Variants in CCDC181 observed in about 807,000 individuals in gnomAD.
The protein encoded by CCDC181 is coiled-coil domain-containing protein 181.
In CCDC181, 35 loss-of-function variants were observed where a neutral mutation model predicts 58.7. The observed-to-expected ratio is 0.60, with a 90% CI of 0.46 to 0.79. The LOEUF (loss-of-function observed/expected upper bound fraction) is 0.79, where lower values mean the gene tolerates loss of function less well. Among genes scored for constraint, CCDC181 ranks in the 30% least tolerant of loss-of-function variants. CCDC181 has a pLI of 0.00. For missense variants in CCDC181, 517 were observed against 583.9 expected (o/e 0.89, Z 1.18); for synonymous variants, 183 against 197.5 (o/e 0.93, Z 0.62).
intron 2 of CCDC181, among the ~76,000 whole-genome samples, chr1:169,444,842 G>C (rs1251571362): frequency 6.6e-6 from 1 of 152,174 alleles, no homozygotes; most frequent in Admixed American, 6.5e-5. Flanking sequence ...GATGCAAAGA[G>C]AGACTATCTC....
chr1:169,427,995 A>T (rs908472128), upstream of CCDC181, among the ~76,000 whole-genome samples: 1 of 152,212 alleles, frequency 6.6e-6, no homozygotes, highest in Admixed American at 6.5e-5. Context: ...AGTTGAGATG[A>T]TTTTAACAAC....
chr1:169,407,334 T>G (rs1655719891), intron 4 of CCDC181, among the ~76,000 whole-genome samples: 1 of 152,104 alleles, frequency 6.6e-6, no homozygotes, highest in Admixed American at 6.5e-5. Context: ...GAACATCATC[T>G]TTAAAATGCT....
chr1:169,428,997 C>T (rs547342608), upstream of CCDC181, among the ~76,000 whole-genome samples: 1 of 152,272 alleles, frequency 6.6e-6, no homozygotes, highest in East Asian at 1.9e-4. Context: ...CATCTTTACG[C>T]CTTTGCATCC....
intron 2 of CCDC181, among the ~76,000 whole-genome samples, chr1:169,436,328 T>A (rs1475989726): frequency 2.0e-5 from 3 of 152,258 alleles, no homozygotes; most frequent in South Asian, 2.1e-4. Flanking sequence ...ATCAGGATTG[T>A]GTTAGTTTTC....
At chr1:169,458,451 G>A (rs1425826527) in intron 2 of CCDC181, among the ~76,000 whole-genome samples, 1 of 151,900 alleles carries the variant, frequency 6.6e-6, no homozygotes, top group Non-Finnish European at 1.5e-5. Context: ...TGATATAAAT[G>A]AACAATTTGA....
intron 2 of CCDC181, among the ~76,000 whole-genome samples, chr1:169,455,486 A>T (rs937110766): frequency 1.3e-5 from 2 of 152,132 alleles, no homozygotes; most frequent in Non-Finnish European, 2.9e-5. Context: ...ATACTTCAAA[A>T]TTTCCAAACT....
Position 169,440,221 on chromosome 1 carries a change from C to G in CCDC181, c.-23-15271G>C, listed in dbSNP as rs182783336. 4.0e-3 allele frequency among the ~76,000 whole-genome samples: 612 copies of G among 152,326 alleles called. 6 individuals carry two copies. The highest frequency in any genetic ancestry group is 7.4e-3 in the Admixed American group (113 of 15,296). ...GTAGAGAGAGTACCAGAGTCAGCCC[C>G]CAGTCCAAGAGAACTAGGCCCACTT... On this transcript the variant is annotated intron_variant, in intron 2 of 6. Coordinates refer to the CCDC181 transcript ENST00000545005.
At chr1:169,447,868 A>G (rs901676326) in intron 2 of CCDC181, among the ~76,000 whole-genome samples, 1 of 152,022 alleles carries the variant, frequency 6.6e-6, no homozygotes, top group African/African-American at 2.4e-5. Context: ...CCATCCCTTT[A>G]ATCTATATAT....
intron 2 of CCDC181, among the ~76,000 whole-genome samples, chr1:169,435,507 C>T (rs897507129): frequency 3.3e-5 from 5 of 152,070 alleles, no homozygotes; most frequent in Non-Finnish European, 7.4e-5. Flanking sequence ...TGATATATGG[C>T]TCATATCTCC....
In CCDC181 at chr1:169,397,321, T is replaced by C. The variant is rs1655104186; in HGVS notation, c.1286A>G (p.Glu429Gly). 1.9e-6 allele frequency: 3 copies of C among 1,612,410 alleles called. No individual in the cohort carries two copies. In the East Asian group the frequency reaches 6.7e-5, roughly 36 times the overall value. Reference sequence around the variant, plus strand: ...CTTTCTTAGTTCTTCTGTCTGTCTTTCTTTCATCTGCTCTTCGTGCTTTTT... The same window carrying C: ...CTTTCTTAGTTCTTCTGTCTGTCTTCCTTTCATCTGCTCTTCGTGCTTTTT... Reference protein sequence around the residue: ...LKKKHEEQMKERQTEELRKQE... With the variant: ...LKKKHEEQMKGRQTEELRKQE... The change falls in exon 5 of 6, where the codon GAA becomes GGA. Residue 429 changes from glutamate to glycine, a missense_variant. By Grantham distance (98) the Glu-to-Gly change is moderately conservative (BLOSUM62 -2). Transcript: ENST00000367806.
At chr1:169,410,176 G>C (rs895751590) in intron 4 of CCDC181, among the ~76,000 whole-genome samples, 1 of 149,284 alleles carries the variant, frequency 6.7e-6, no homozygotes, top group Non-Finnish European at 1.5e-5. Flanking sequence ...TCAAAATAAA[G>C]GGATGGAGGA....
chr1:169,420,240 C>T (rs1656395713), intron 3 of CCDC181, among the ~76,000 whole-genome samples: 1 of 152,120 alleles, frequency 6.6e-6, no homozygotes, highest in Non-Finnish European at 1.5e-5. Flanking sequence ...CACCAAATTC[C>T]TATACTTTCA....
chr1:169,428,232 T>C (rs1656797712), upstream of CCDC181, among the ~76,000 whole-genome samples: 2 of 152,204 alleles, frequency 1.3e-5, no homozygotes, highest in South Asian at 4.1e-4. Flanking sequence ...TAAAATGAAT[T>C]GTAATATTGA....
chr1:169,413,629 T>C (rs1418974584), intron 4 of CCDC181, among the ~76,000 whole-genome samples: 1 of 152,070 alleles, frequency 6.6e-6, no homozygotes, highest in East Asian at 1.9e-4. Flanking sequence ...CAAATGCCCA[T>C]AAATGACAGA....
At chr1:169,441,666 G>C (rs906481120) in intron 2 of CCDC181, among the ~76,000 whole-genome samples, 2 of 151,898 alleles carry the variant, frequency 1.3e-5, no homozygotes, top group Non-Finnish European at 2.9e-5. Flanking sequence ...ATGAAGCAAA[G>C]GAAGCTGGTT....
intron 2 of CCDC181, among the ~76,000 whole-genome samples, chr1:169,439,269 C>A (rs1263567086): frequency 6.6e-6 from 1 of 151,610 alleles, no homozygotes; most frequent in African/African-American, 2.4e-5. Context: ...CCAGACACCC[C>A]ACAATGGGGC....
At chr1:169,440,424 A>G (rs1324175352) in intron 2 of CCDC181, among the ~76,000 whole-genome samples, 1 of 152,250 alleles carries the variant, frequency 6.6e-6, no homozygotes, top group Non-Finnish European at 1.5e-5. Context: ...AGAGTAATTC[A>G]CACAGAGCCG....
intron 2 of CCDC181, among the ~76,000 whole-genome samples, chr1:169,450,493 C>T (rs1657506766): frequency 1.3e-5 from 2 of 152,140 alleles, no homozygotes; most frequent in Non-Finnish European, 2.9e-5. Context: ...GTATTTCATT[C>T]CTTTTTATCA....
chr1:169,405,432 C>G (rs897339004), intron 4 of CCDC181, among the ~76,000 whole-genome samples: 1 of 152,220 alleles, frequency 6.6e-6, no homozygotes, highest in African/African-American at 2.4e-5. Context: ...GTAACCAAAA[C>G]AGCATGGTAC....
Sources: gnomAD v4.1 joint callset for allele counts (sites outside exome capture counted in the v4.1 genomes callset) on GRCh38, gnomAD v4.1.1 for gene constraint, MANE v1.5 for transcripts, NCBI Gene and HGNC (gene_info 2026-07-23, HGNC 2026-07-21) for gene names.